ANKS3: variants seen among roughly 807,000 people sequenced by gnomAD.
ANKS3 encodes ankyrin repeat and sterile alpha motif domain containing 3, also known as ankyrin repeat and SAM domain-containing protein 3.
In ANKS3, 62 loss-of-function variants were observed where a neutral mutation model predicts 80.7. The observed-to-expected ratio is 0.77, with a 90% confidence interval of 0.63 to 0.95. ANKS3 has a LOEUF of 0.95. Ranked by LOEUF, ANKS3 falls within the 40% of genes least tolerant of loss-of-function variation. The pLI, the probability that ANKS3 is intolerant of heterozygous loss-of-function variation, is 0.00. For missense variants in ANKS3, 1,150 were observed against 883.6 expected, an observed-to-expected ratio of 1.30 and a Z score of -3.82; for synonymous variants, 489 against 355.3, an observed-to-expected ratio of 1.38 and a Z score of -4.23.
In ANKS3 at chr16:4,715,126, A is replaced by C. The variant is rs761637288; in HGVS notation, c.574-940T>G. The stretch of plus-strand genomic sequence containing the variant: ...TATTGCCATAGATGGTGATATTTAC[A>C]AACAGCTGTATGATCAAGTTGAAAA... On this transcript the variant is annotated intron_variant, in intron 6 of 17. Transcript: ENST00000304283. 4.1e-4 allele frequency among the ~76,000 whole-genome samples: 62 copies of C among 151,704 alleles called. 1 individual carries two copies. In the South Asian group the frequency reaches 5.6e-3, roughly 14 times the overall value.
chr16:4,720,507 C>T (rs2081035575), intron 6 of ANKS3, among the ~76,000 whole-genome samples: 1 of 150,436 alleles, frequency 6.6e-6, no homozygotes, highest in Non-Finnish European at 1.5e-5. Flanking sequence ...GGGTGTGAAC[C>T]AGGACCACTA....
At chr16:4,727,655 T>A (rs1330976409) in intron 3 of ANKS3, 1 of 189,728 alleles carries the variant, frequency 5.3e-6, no homozygotes, top group East Asian at 1.3e-4. Context: ...AGGCCTGGCA[T>A]CTACTAGCCC....
intron 7 of ANKS3, among the ~76,000 whole-genome samples, chr16:4,712,260 A>C (rs1231572250): frequency 6.6e-6 from 1 of 151,752 alleles, no homozygotes; most frequent in East Asian, 1.9e-4. Flanking sequence ...GATCCCAGCT[A>C]CTCGGGAGGC....
At chr16:4,705,338 T>C (rs2080127218) in intron 7 of ANKS3, 85 bp from the exon 8 acceptor site, 1 of 1,501,170 alleles carries the variant, frequency 6.7e-7, no homozygotes, top group Non-Finnish European at 9.0e-7. Flanking sequence ...AGAAAGTGAC[T>C]GTCGCCGGTT....
At chr16:4,705,304 T>C in intron 7 of ANKS3, 51 bp from the exon 8 acceptor site, 1 of 1,577,240 alleles carries the variant, frequency 6.3e-7, no homozygotes. Flanking sequence ...TGGACTCATT[T>C]ACTAATCCTT....
At chr16:4,720,187 G>C (rs2142118361) in intron 6 of ANKS3, among the ~76,000 whole-genome samples, 1 of 142,456 alleles carries the variant, frequency 7.0e-6, no homozygotes, top group South Asian at 2.2e-4. Flanking sequence ...AAAAAGGCCA[G>C]GCACGGTGGC....
chr16:4,724,790 G>A lies in ANKS3; in HGVS notation c.533C>T (p.Ala178Val), dbSNP rs1348393428. 1 of 1,614,096 alleles carries A rather than the reference G, an allele frequency of 6.2e-7. No homozygotes were observed. The highest frequency in any genetic ancestry group is 8.5e-7 in the Non-Finnish European group (1 of 1,180,000). Residue 178 changes from alanine to valine, a missense_variant, in exon 6 of 18, where the codon GCT becomes GTT. Physicochemically the swap from Ala to Val is moderately conservative, Grantham distance 64. Coordinates refer to ENST00000304283, the MANE Select transcript of ANKS3 (RefSeq NM_133450.4). ...CGFTPLMEAA[A>V]AGHEIIVQYF... ...CTGCACGATTATCTCATGGCCAGCAGCAGCTGCTTCCATCAAGGGAGTAAA... is the reference window on the plus strand; with the variant it reads ...CTGCACGATTATCTCATGGCCAGCAACAGCTGCTTCCATCAAGGGAGTAAA...
chr16:4,726,222 T>A (rs2081343632), intron 5 of ANKS3, among the ~76,000 whole-genome samples: 1 of 150,560 alleles, frequency 6.6e-6, no homozygotes. Context: ...GTGATCTGCC[T>A]ACCTCGGCCT....
At chr16:4,709,333 G>A (rs1400074032) in intron 7 of ANKS3, among the ~76,000 whole-genome samples, 1 of 151,674 alleles carries the variant, frequency 6.6e-6, no homozygotes, top group Non-Finnish European at 1.5e-5. Flanking sequence ...TTGAACCCGG[G>A]AGGTGGAGGT....
intron 1 of ANKS3, among the ~76,000 whole-genome samples, chr16:4,733,710 G>A (rs545755298): frequency 1.3e-5 from 2 of 152,312 alleles, no homozygotes; most frequent in African/African-American, 4.8e-5. Context: ...CTGCATGCCT[G>A]TATCAAAATC....
intron 7 of ANKS3, among the ~76,000 whole-genome samples, chr16:4,710,099 A>T (rs1484436629): frequency 6.6e-6 from 1 of 152,182 alleles, no homozygotes; most frequent in Non-Finnish European, 1.5e-5. Context: ...AAACATGTAG[A>T]GTAGAATAGT....
At chr16:4,709,934 C>T (rs2080396805) in intron 7 of ANKS3, among the ~76,000 whole-genome samples, 1 of 152,066 alleles carries the variant, frequency 6.6e-6, no homozygotes, top group Admixed American at 6.6e-5. Flanking sequence ...TCACTTGAGC[C>T]CAGGAATTGG....
At chr16:4,719,088 G>A (rs1023736651) in intron 6 of ANKS3, among the ~76,000 whole-genome samples, 2 of 152,022 alleles carry the variant, frequency 1.3e-5, no homozygotes, top group Non-Finnish European at 2.9e-5. Context: ...TAATCCCAGC[G>A]CTTTGGGAGG....
intron 3 of ANKS3, chr16:4,727,525 GGCT>G (rs1596456694): frequency 5.7e-6 from 2 of 352,700 alleles, no homozygotes; most frequent in East Asian, 7.0e-5. Flanking sequence ...GGCAGGGAAG[GGCT>G]GCTGGAGGCC....
intron 3 of ANKS3, among the ~76,000 whole-genome samples, chr16:4,728,256 A>G (rs2081455131): frequency 6.6e-6 from 1 of 152,198 alleles, no homozygotes; most frequent in Admixed American, 6.5e-5. Context: ...CGTGTTAGCC[A>G]GGATGGTCTC....
intron 7 of ANKS3, among the ~76,000 whole-genome samples, chr16:4,712,385 CA>C (rs977396477): frequency 6.7e-6 from 1 of 148,740 alleles, no homozygotes. Context: ...ATTTCAAAAA[CA>C]AAAAAAAAGA....
Position 4,727,151 on chromosome 16 carries a change from T to C in ANKS3, c.197A>G (p.Asn66Ser). 6.2e-7 allele frequency: 1 copy of C among 1,614,186 alleles called. No homozygotes were observed. The highest frequency in any genetic ancestry group is 8.5e-7 in the Non-Finnish European group (1 of 1,180,042). ...CATCAGCGGGGTCCAGCCACCACCA[T>C]TCTTCTTATTCAAATCTAACTCTCT... ...QRRELDLNKK[N>S]GGGWTPLMYA... is the part of the protein sequence containing the mutation. Residue 66 changes from asparagine to serine, a missense_variant, in exon 4 of 18, where the codon AAT (asparagine) becomes AGT (serine). Asn to Ser is a conservative substitution (Grantham distance 46). Coordinates refer to ENST00000304283, the MANE Select transcript of ANKS3 (RefSeq NM_133450.4).
intron 6 of ANKS3, among the ~76,000 whole-genome samples, chr16:4,718,034 C>T (rs1372586369): frequency 1.3e-5 from 2 of 151,966 alleles, no homozygotes; most frequent in Non-Finnish European, 2.9e-5. Context: ...CTTGGCATCC[C>T]AAAGTGCTGG....
rs562931185 is a variant in ANKS3, at chr16:4,698,013, C to A, written c.1774G>T (p.Gly592Cys). ...SSRVRQDQPP[G>C]AATLGLAVPP... ...ACGGCTAGGCCCAGAGTGGCTGCAC[C>A]AGGGGGCTGGTCCTGCCTCACTCGA... The change falls in exon 15 of 18, where the codon GGT (glycine) becomes TGT (cysteine). Residue 592 changes from glycine (G) to cysteine (C), a missense_variant. Transcript: ENST00000304283. 2.9e-5 allele frequency: 47 copies of A among 1,607,178 alleles called. 1 individual carries two copies. The South Asian group carries it at 4.7e-4, about 16-fold the overall frequency.
Sources: gnomAD v4.1 joint callset for allele counts (sites outside exome capture counted in the v4.1 genomes callset) on GRCh38, gnomAD v4.1.1 for gene constraint, MANE v1.5 for transcripts, NCBI Gene and HGNC (gene_info 2026-07-23, HGNC 2026-07-21) for gene names.